Variants in GMPS observed in about 807,000 individuals in gnomAD.
GMPS encodes guanosine monophosphate synthase, also known as GMP synthase [glutamine-hydrolyzing].
GMPS carries 15 observed loss-of-function variants against 77.9 expected under a neutral mutation model. The ratio of observed to expected loss-of-function variants is 0.19; its 90% CI spans 0.13 to 0.30. The LOEUF (loss-of-function observed/expected upper bound fraction) is 0.30, where lower values mean the gene tolerates loss of function less well. Ranked by LOEUF, GMPS falls within the 10% of genes least tolerant of loss-of-function variation. The pLI, the probability that GMPS is intolerant of heterozygous loss-of-function variation, is 1.00. For synonymous variants in GMPS, 224 were observed against 275.9 expected (o/e 0.81, Z 1.86); for missense variants, 590 against 838.8 (o/e 0.70, Z 3.66).
intron 1 of GMPS, among the ~76,000 whole-genome samples, chr3:155,890,116 G>A (rs1412918010): frequency 6.6e-6 from 1 of 152,130 alleles, no homozygotes; most frequent in Non-Finnish European, 1.5e-5. Flanking sequence ...GTTTTCTCCT[G>A]AATTGTCAAA....
At chr3:155,871,285 C>G (rs1362179430) in intron 1 of GMPS, among the ~76,000 whole-genome samples, 1 of 152,046 alleles carries the variant, frequency 6.6e-6, no homozygotes, top group African/African-American at 2.4e-5. Context: ...GGCTCCCACC[C>G]CGTCCCTCTG....
intron 12 of GMPS, 81 bp from the exon 13 acceptor site, chr3:155,931,682 TTA>T (rs1560053976): frequency 4.7e-3 from 2,420 of 513,548 alleles, no homozygotes; most frequent in Non-Finnish European, 6.2e-3. Flanking sequence ...TCTTTTTTTT[TTA>T]AAAAAAAAAA....
At chr3:155,913,382 A>G (rs190611065) in intron 7 of GMPS, among the ~76,000 whole-genome samples, 2 of 152,300 alleles carry the variant, frequency 1.3e-5, no homozygotes, top group Admixed American at 1.3e-4. Flanking sequence ...TTAGTTTTAC[A>G]AGACACTAGG....
At chr3:155,913,652 C>G (rs1396434309) in intron 7 of GMPS, among the ~76,000 whole-genome samples, 1 of 151,740 alleles carries the variant, frequency 6.6e-6, no homozygotes, top group African/African-American at 2.4e-5. Flanking sequence ...CTCTGAGTAG[C>G]TGGGATTGCA....
chr3:155,921,692 T>G (rs925053820), intron 10 of GMPS, among the ~76,000 whole-genome samples: 10 of 152,066 alleles, frequency 6.6e-5, no homozygotes, highest in African/African-American at 2.4e-4. Flanking sequence ...TTTAGGAGGC[T>G]GAGGTGGGAA....
rs969725885 is a variant in GMPS at position 155,939,840 on chromosome 3, G to T, written c.*2148G>T. On this transcript the variant is annotated 3_prime_UTR_variant, in exon 16 of 16. Transcript: ENST00000496455. ...GCTTTGTGCCATATAGCATTACTCT[G>T]TACCTTCACAGTATTTCATCTGAGC... The T allele has an allele frequency of 5.0e-6, 1 of 200,324 alleles. No homozygotes were observed. The highest frequency in any genetic ancestry group is 2.3e-5 in the African/African-American group (1 of 43,470). The allele number at this position is 200,324 out of a possible 1,614,324, so 12.4% of individuals were successfully genotyped here.
intron 1 of GMPS, among the ~76,000 whole-genome samples, chr3:155,881,346 A>G (rs372362419): frequency 6.6e-6 from 1 of 151,548 alleles, no homozygotes; most frequent in African/African-American, 2.4e-5. Context: ...CTAATTTTGT[A>G]TTTTTAGTAC....
chr3:155,906,134 G>A, intron 4 of GMPS, 26 bp from the exon 5 acceptor site: 1 of 1,271,950 alleles, frequency 7.9e-7, no homozygotes, highest in South Asian at 1.4e-5. Flanking sequence ...TAAGATATTT[G>A]TGTGTTTTAT....
At chr3:155,901,061 C>CT (rs1308932396) in intron 3 of GMPS, among the ~76,000 whole-genome samples, 1 of 152,102 alleles carries the variant, frequency 6.6e-6, no homozygotes, top group Non-Finnish European at 1.5e-5. Context: ...CTTTATATCT[C>CT]TTAACTGATT....
chr3:155,873,237 C>T (rs1022648508), intron 1 of GMPS, among the ~76,000 whole-genome samples: 25 of 152,176 alleles, frequency 1.6e-4, no homozygotes, highest in African/African-American at 5.8e-4. Flanking sequence ...GCTATGAAAG[C>T]ATTTGGGTTA....
intron 4 of GMPS, among the ~76,000 whole-genome samples, 165 bp from the exon 5 acceptor site, chr3:155,905,995 A>G (rs1168168949): frequency 6.1e-5 from 9 of 147,896 alleles, no homozygotes; most frequent in Non-Finnish European, 3.0e-5. Context: ...TATTGGCTTT[A>G]TTTGTAATGG....
At chr3:155,874,728 T>C (rs1753993471) in intron 1 of GMPS, among the ~76,000 whole-genome samples, 1 of 152,138 alleles carries the variant, frequency 6.6e-6, no homozygotes, top group Non-Finnish European at 1.5e-5. Flanking sequence ...TTCAGTCTTT[T>C]AAGAATTTTT....
At chr3:155,920,677 CACTT>C (rs1755298406) in intron 10 of GMPS, among the ~76,000 whole-genome samples, 2 of 151,382 alleles carry the variant, frequency 1.3e-5, no homozygotes, top group East Asian at 3.9e-4. Flanking sequence ...CATCTAGACT[CACTT>C]GATGTTTTAA....
upstream of GMPS, chr3:155,870,496 G>A (rs926360078): frequency 9.4e-6 from 2 of 212,036 alleles, no homozygotes; most frequent in Non-Finnish European, 9.5e-6. Context: ...GGCGGGGACC[G>A]GGCTGGGGGC....
chr3:155,875,777 TA>T (rs1216041204), intron 1 of GMPS, among the ~76,000 whole-genome samples: 1 of 152,120 alleles, frequency 6.6e-6, no homozygotes, highest in Non-Finnish European at 1.5e-5. Flanking sequence ...GGACGGTGGT[TA>T]AAAAAATTGC....
At position 155,931,938 on chromosome 3, in the gene GMPS, G is replaced by C. The variant is rs979350839; in HGVS notation, c.1676+58G>C. On this transcript the variant is annotated intron_variant, in intron 13 of 15. Coordinates refer to ENST00000496455, the MANE Select transcript of GMPS (RefSeq NM_003875.3). ...TGTAATGGAAGGATGTATTTCTTAA[G>C]GGCTTTCAATTAATGGAAGACCAAA... The C allele has an allele frequency of 3.8e-6, 3 of 790,006 alleles. No homozygotes were observed. The African/African-American group carries it at 5.1e-5, about 14-fold the overall frequency. The allele number at this position is 790,006 out of a possible 1,614,324, so 48.9% of individuals were successfully genotyped here.
At chr3:155,930,832 A>T (rs1560053590) in intron 12 of GMPS, among the ~76,000 whole-genome samples, 1 of 151,982 alleles carries the variant, frequency 6.6e-6, no homozygotes, top group East Asian at 1.9e-4. Context: ...ATTTTATTTT[A>T]TTTTTTTGAG....
Position 155,903,846 on chromosome 3 carries a change from T to G in GMPS, c.325-17T>G, listed in dbSNP as rs761035449. ...TTCTTTTGATTTCTATTAACATTAA[T>G]TTTTTTCTTTGAACAGATGATGAAT... On this transcript the variant is annotated splice_polypyrimidine_tract_variant and intron_variant, in intron 3 of 15. Coordinates refer to ENST00000496455, the MANE Select transcript of GMPS (RefSeq NM_003875.3). 1 of 1,137,696 alleles carries G rather than the reference T, an allele frequency of 8.8e-7. No individual in the cohort carries two copies. Among genetic ancestry groups the G allele is most frequent in the Non-Finnish European group, 1.3e-6 (1 of 799,098 alleles). 70.5% of individuals were successfully genotyped at this position (1,137,696 alleles called of 1,614,324 possible).
chr3:155,937,730 A>G lies in GMPS; in HGVS notation c.*38A>G. Reference sequence around the variant, plus strand: ...TCTATTAAAGTACCGTGTGCAGTTTAAATTGATTAGAAATCATTCCCATTA... The same window carrying G: ...TCTATTAAAGTACCGTGTGCAGTTTGAATTGATTAGAAATCATTCCCATTA... On this transcript the variant is annotated 3_prime_UTR_variant, in exon 16 of 16. Coordinates refer to ENST00000496455, the MANE Select transcript of GMPS (RefSeq NM_003875.3). 1 of 888,052 alleles carries G rather than the reference A, an allele frequency of 1.1e-6. No homozygotes were observed. Among genetic ancestry groups the G allele is most frequent in the Non-Finnish European group, 1.9e-6 (1 of 527,286 alleles). 55.0% of individuals were successfully genotyped at this position (888,052 alleles called of 1,614,324 possible). A position where few individuals can be genotyped will look rare whatever the true frequency, so the allele number is the denominator to read the frequency against.
Sources: gnomAD v4.1 joint callset for allele counts (sites outside exome capture counted in the v4.1 genomes callset) on GRCh38, gnomAD v4.1.1 for gene constraint, MANE v1.5 for transcripts, NCBI Gene and HGNC (gene_info 2026-07-23, HGNC 2026-07-21) for gene names.